The following ANO9 variants were observed in gnomAD, a reference collection of about 807,000 sequenced individuals.
The protein encoded by ANO9 is anoctamin-9.
ANO9 carries 80 observed loss-of-function variants against 100.5 expected under a neutral mutation model. The ratio of observed to expected loss-of-function variants is 0.80; its 90% CI spans 0.66 to 0.96. The LOEUF (loss-of-function observed/expected upper bound fraction) is 0.96, where lower values mean the gene tolerates loss of function less well. Ranked by LOEUF, ANO9 falls within the 40% of genes least tolerant of loss-of-function variation. ANO9 has a pLI of 0.00. For missense variants in ANO9, 1,064 were observed against 1,072.7 expected (o/e 0.99, Z 0.11); for synonymous variants, 473 against 435.6 (o/e 1.09, Z -1.07).
intron 9 of ANO9, 24 bp downstream of exon 9, chr11:430,059 G>A: frequency 6.5e-7 from 1 of 1,546,758 alleles, no homozygotes; most frequent in Non-Finnish European, 8.7e-7. Context: ...CGCAGGCCCT[G>A]GGGTGGACCC....
chr11:418,604 G>A lies in ANO9; in HGVS notation c.2131-15C>T, dbSNP rs761053805. 8.7e-6 allele frequency: 14 copies of A among 1,612,584 alleles called. No homozygotes were observed. The African/African-American group carries it at 1.5e-4, about 17-fold the overall frequency. ...AAGGCCACGTGCTAGCGGCAGCACA[G>A]GAGAGGCCCAGCACGGTCAGGTGCC... On this transcript the variant is annotated splice_polypyrimidine_tract_variant and intron_variant, in intron 22 of 22. Coordinates refer to ENST00000332826, the MANE Select transcript of ANO9 (RefSeq NM_001012302.3).
At chr11:420,110 G>T (rs1193706006) in intron 19 of ANO9, 10 of 1,317,196 alleles carry the variant, frequency 7.6e-6, no homozygotes, top group East Asian at 3.3e-5. Flanking sequence ...CCCAGCTCCC[G>T]TCGCTCCCCT....
At position 419,569 on chromosome 11, in the gene ANO9, C is replaced by T; in HGVS notation, c.1934+13G>A. ...GTTTCTCCCAGGGGTCTCCAGACAC[C>T]CTGAGGCCTTACTCGACAGTAGAGT... On this transcript the variant is annotated intron_variant, in intron 20 of 22. Coordinates refer to ENST00000332826, the MANE Select transcript of ANO9 (RefSeq NM_001012302.3). 2.5e-6 allele frequency: 4 copies of T among 1,612,544 alleles called. No individual in the cohort carries two copies. Among genetic ancestry groups the T allele is most frequent in the Non-Finnish European group, 3.4e-6 (4 of 1,179,386 alleles).
In ANO9 at chr11:428,211, C is replaced by G. The variant is rs769110624; in HGVS notation, c.1223-12G>C. The G allele has an allele frequency of 4.3e-5, 70 of 1,611,386 alleles. No individual in the cohort carries two copies. The highest frequency in any genetic ancestry group is 5.6e-5 in the Non-Finnish European group (66 of 1,179,170). ...GGTCCTGGGCATCTCTGGAATGGGA[C>G]CGGCCCTCACCTCTCTCCCTGCTCA... On this transcript the variant is annotated splice_polypyrimidine_tract_variant and intron_variant, in intron 14 of 22. Coordinates refer to ENST00000332826, the MANE Select transcript of ANO9 (RefSeq NM_001012302.3).
Position 433,950 on chromosome 11 carries a change from G to T in ANO9, c.82-13C>A. 1 of 1,557,706 alleles carries T rather than the reference G, an allele frequency of 6.4e-7. No individual in the cohort carries two copies. Among genetic ancestry groups the T allele is most frequent in the East Asian group, 2.4e-5 (1 of 42,468 alleles). ...CGGAGGCCTCGGTCTGCAGGGAGGAGGCATGGGGCCAGGCGCAGGTGAAGG... is the reference window on the plus strand; with the variant it reads ...CGGAGGCCTCGGTCTGCAGGGAGGATGCATGGGGCCAGGCGCAGGTGAAGG... On this transcript the variant is annotated splice_polypyrimidine_tract_variant and intron_variant, in intron 2 of 22. Transcript: ENST00000332826.
At chr11:434,643 TG>T in intron 1 of ANO9, among the ~76,000 whole-genome samples, 1 of 152,162 alleles carries the variant, frequency 6.6e-6, no homozygotes, top group East Asian at 1.9e-4. Flanking sequence ...ATCAGGTCCC[TG>T]GGGGCTGGGC....
Position 422,220 on chromosome 11 carries a change from A to G in ANO9, c.1335-1022T>C, listed in dbSNP as rs183696612. ...GTGGGGCCTAAATGAAGAAAACTAT[A>G]AAACTACCAAGGAGCATGAAAGACT... On this transcript the variant is annotated intron_variant, in intron 15 of 22. Transcript: ENST00000332826. The surrounding 1 kb of genome is among the most constrained non-coding windows in gnomAD (Gnocchi z 4.3). Among the ~76,000 whole-genome samples the G allele has an allele frequency of 1.2e-3, 181 of 152,322 alleles. No homozygotes were observed. The highest frequency in any genetic ancestry group is 3.4e-3 in the Middle Eastern group (1 of 294).
At chr11:431,460 C>T in intron 7 of ANO9, among the ~76,000 whole-genome samples, 1 of 60,428 alleles carries the variant, frequency 1.7e-5, no homozygotes, top group African/African-American at 7.7e-5. Context: ...TGGGGGCTCC[C>T]GCGGGTATCT....
chr11:426,967 G>A (rs142824644), intron 15 of ANO9, among the ~76,000 whole-genome samples: 351 of 152,270 alleles, frequency 2.3e-3, no homozygotes, highest in Non-Finnish European at 3.6e-3. Context: ...CATAGACAGC[G>A]TCCTTCTGCC....
Position 421,498 on chromosome 11 carries a change from C to T in ANO9, c.1335-300G>A, listed in dbSNP as rs371556298. Among the ~76,000 whole-genome samples the T allele has an allele frequency of 5.5e-3, 33 of 6,022 alleles. 1 individual carries two copies. In the East Asian group the frequency reaches 0.086, roughly 16 times the overall value. 4.0% of individuals were successfully genotyped at this position (6,022 alleles called of 152,430 possible). On this transcript the variant is annotated intron_variant, in intron 15 of 22. Coordinates refer to ENST00000332826, the MANE Select transcript of ANO9 (RefSeq NM_001012302.3). The surrounding 1 kb of genome is among the most constrained non-coding windows in gnomAD (Gnocchi z 6.8). ...CCACAGGCTCCCAGACGAACCGCAC[C>T]TGCACGTGGGCGCACACACACCCAC...
At chr11:437,045 C>CGGGGG (rs1845390545) in intron 1 of ANO9, among the ~76,000 whole-genome samples, 2 of 56,656 alleles carry the variant, frequency 3.5e-5, no homozygotes, top group African/African-American at 8.3e-5. Context: ...GCGGGGGGTG[C>CGGGGG]GTGGGGGGTG....
intron 1 of ANO9, among the ~76,000 whole-genome samples, chr11:439,079 G>C (rs1590553176): frequency 6.6e-6 from 1 of 152,114 alleles, no homozygotes. Flanking sequence ...GTACAACAGG[G>C]TGTCCTCACC....
intron 15 of ANO9, among the ~76,000 whole-genome samples, chr11:427,802 C>G (rs1848609746): frequency 6.6e-6 from 1 of 151,310 alleles, no homozygotes; most frequent in South Asian, 2.1e-4. Context: ...GCATAAAGAG[C>G]AGGTGCAGTT....
chr11:421,464 CAG>C lies in ANO9; in HGVS notation c.1335-268_1335-267del, dbSNP rs1339326815. Among the ~76,000 whole-genome samples, 2 of 86,250 alleles carry C rather than the reference CAG, an allele frequency of 2.3e-5. No individual in the cohort carries two copies. The highest frequency in any genetic ancestry group is 2.3e-4 in the Admixed American group (2 of 8,742). 56.6% of individuals were successfully genotyped at this position (86,250 alleles called of 152,430 possible). On this transcript the variant is annotated intron_variant, in intron 15 of 22. Coordinates refer to ENST00000332826, the MANE Select transcript of ANO9 (RefSeq NM_001012302.3). The surrounding 1 kb of genome is among the most constrained non-coding windows in gnomAD (Gnocchi z 6.8). ...GCGCACACACACACACACCCCCACA[CAG>C]GGGAGGCCACAGGCTCCCAGACGAA...
In ANO9 at chr11:419,715, C is replaced by T; in HGVS notation, c.1801G>A (p.Val601Met). ...GCCAGCACACCGATGGTCTCCAGCA[C>T]CTGCAGCCAGGTCCCTGCACCAGAG... ...KAKDIGTWLQ[V>M]LETIGVLAVI... Residue 601 changes from valine (V) to methionine (M), a missense_variant, in exon 20 of 23, where the codon GTG (valine) becomes ATG (methionine). By Grantham distance (21) the Val-to-Met change is conservative (BLOSUM62 1). Coordinates refer to ENST00000332826, the MANE Select transcript of ANO9 (RefSeq NM_001012302.3). 1 of 1,613,158 alleles carries T rather than the reference C, an allele frequency of 6.2e-7. No homozygotes were observed.
chr11:433,575 A>G, intron 3 of ANO9, 116 bp from the exon 4 acceptor site: 1 of 1,469,418 alleles, frequency 6.8e-7, no homozygotes, highest in Non-Finnish European at 9.1e-7. Flanking sequence ...TCCGCCTCAG[A>G]ACCCTCCCTT....
chr11:420,007 T>C, intron 19 of ANO9: 1 of 1,356,986 alleles, frequency 7.4e-7, no homozygotes, highest in South Asian at 1.7e-5. Context: ...CCACTCCACC[T>C]CCTGGGTTCC....
intron 1 of ANO9, among the ~76,000 whole-genome samples, chr11:436,535 A>G (rs1420664489): frequency 3.3e-5 from 5 of 151,388 alleles, no homozygotes; most frequent in Non-Finnish European, 5.9e-5. Context: ...ACCACAGAAC[A>G]GAAGGCTCTC....
intron 20 of ANO9, chr11:419,329 C>G: frequency 7.1e-7 from 1 of 1,410,390 alleles, no homozygotes; most frequent in African/African-American, 1.4e-5. Flanking sequence ...TCTGGCAGGG[C>G]CTACTCAGGA....
Sources: gnomAD v4.1 joint callset for allele counts (sites outside exome capture counted in the v4.1 genomes callset) on GRCh38, gnomAD v4.1.1 for gene constraint, Gnocchi (gnomAD v3.1) non-coding constraint, MANE v1.5 for transcripts, NCBI Gene and HGNC (gene_info 2026-07-23, HGNC 2026-07-21) for gene names.